The following ELOVL6 variants were observed in gnomAD, a reference collection of about 807,000 sequenced individuals.
The protein encoded by ELOVL6 is ELOVL fatty acid elongase 6.
In ELOVL6, 8 loss-of-function variants were observed where a neutral mutation model predicts 31.7. The observed-to-expected ratio is 0.25, with a 90% CI of 0.15 to 0.45. The LOEUF is 0.45. Among genes scored for constraint, ELOVL6 ranks in the 20% least tolerant of loss-of-function variants. The pLI, the probability that ELOVL6 is intolerant of heterozygous loss-of-function variation, is 1.00. For missense variants in ELOVL6, 126 were observed against 326.4 expected, an observed-to-expected ratio of 0.39 and a Z score of 4.73; for synonymous variants, 101 against 117.7, an observed-to-expected ratio of 0.86 and a Z score of 0.92.
intron 1 of ELOVL6, among the ~76,000 whole-genome samples, chr4:110,192,921 A>T (rs1759665620): frequency 6.6e-6 from 1 of 152,234 alleles, no homozygotes; most frequent in South Asian, 2.1e-4. Flanking sequence ...ACATGAGTAC[A>T]ATATAGACAC....
intron 1 of ELOVL6, among the ~76,000 whole-genome samples, chr4:110,133,466 GCTTA>G (rs1229656680): frequency 1.2e-4 from 18 of 152,162 alleles, no homozygotes; most frequent in Non-Finnish European, 2.1e-4. Context: ...GTGAACTATG[GCTTA>G]CTTAACACTG....
rs1454465084 is a variant in ELOVL6, at chr4:110,047,994, G to A, written c.*3344C>T. ...TCAATTCTACAAAACCCACTCATAT[G>A]AAGTTTCTAACTCAGTCTAGACATA... On this transcript the variant is annotated 3_prime_UTR_variant, in exon 4 of 4. Transcript: ENST00000302274. 1.3e-5 allele frequency: 2 copies of A among 150,588 alleles called. No homozygotes were observed. The highest frequency in any genetic ancestry group is 4.9e-5 in the African/African-American group (2 of 40,916). 9.3% of individuals were successfully genotyped at this position (150,588 alleles called of 1,614,324 possible).
chr4:110,149,002 A>G (rs1473101078), intron 1 of ELOVL6, among the ~76,000 whole-genome samples: 1 of 152,222 alleles, frequency 6.6e-6, no homozygotes, highest in African/African-American at 2.4e-5. Context: ...CTGGGATTAC[A>G]GGCACAAGCC....
intron 1 of ELOVL6, among the ~76,000 whole-genome samples, chr4:110,186,018 T>C (rs1759427790): frequency 6.6e-6 from 1 of 151,960 alleles, no homozygotes. Context: ...GGTGAAACCC[T>C]GTATCTACTA....
chr4:110,141,874 T>TATATATAC (rs926529050), intron 1 of ELOVL6, among the ~76,000 whole-genome samples: 3 of 143,214 alleles, frequency 2.1e-5, no homozygotes, highest in African/African-American at 5.2e-5. Flanking sequence ...TATATATATA[T>TATATATAC]ACTAATACAA....
intron 1 of ELOVL6, 176 bp downstream of exon 1, chr4:110,198,071 T>G: frequency 2.0e-6 from 1 of 512,154 alleles, no homozygotes; most frequent in East Asian, 3.6e-5. Flanking sequence ...TCGCGCTTCA[T>G]GTACCCCCCC....
At chr4:110,183,122 A>AAAAC (rs776758979) in intron 1 of ELOVL6, among the ~76,000 whole-genome samples, 56 of 152,276 alleles carry the variant, frequency 3.7e-4, no homozygotes, top group African/African-American at 1.3e-3. Context: ...CTTTATTTAA[A>AAAAC]AAACAAACAA....
At chr4:110,063,949 A>C (rs929152196) in intron 2 of ELOVL6, among the ~76,000 whole-genome samples, 3 of 151,476 alleles carry the variant, frequency 2.0e-5, no homozygotes, top group Non-Finnish European at 4.4e-5. Flanking sequence ...ACGGTGGTAC[A>C]CGCCTGTAAT....
chr4:110,058,118 T>C (rs1210934783), intron 3 of ELOVL6, among the ~76,000 whole-genome samples: 1 of 152,206 alleles, frequency 6.6e-6, no homozygotes, highest in Non-Finnish European at 1.5e-5. Context: ...TGGGGCCTGG[T>C]TCATAAAATC....
intron 2 of ELOVL6, among the ~76,000 whole-genome samples, chr4:110,068,398 CT>C (rs1755367561): frequency 6.6e-6 from 1 of 152,164 alleles, no homozygotes; most frequent in Non-Finnish European, 1.5e-5. Context: ...CACAGAGAAG[CT>C]ATCTTCGTGG....
chr4:110,129,110 C>CT (rs1315863181), intron 1 of ELOVL6, among the ~76,000 whole-genome samples: 3 of 152,060 alleles, frequency 2.0e-5, no homozygotes, highest in African/African-American at 4.8e-5. Flanking sequence ...ATGTATAAAT[C>CT]TTTTTTTCAA....
chr4:110,079,990 G>T (rs1432628016), intron 2 of ELOVL6, among the ~76,000 whole-genome samples: 1 of 152,154 alleles, frequency 6.6e-6, no homozygotes, highest in Non-Finnish European at 1.5e-5. Context: ...AGAAAATCTA[G>T]AAGAAATGGA....
At chr4:110,090,813 C>T (rs1756404846) in intron 2 of ELOVL6, among the ~76,000 whole-genome samples, 1 of 151,902 alleles carries the variant, frequency 6.6e-6, no homozygotes, top group Admixed American at 6.6e-5. Context: ...CCATGTTGGC[C>T]AGGATGGTCT....
intron 2 of ELOVL6, among the ~76,000 whole-genome samples, chr4:110,090,855 G>A (rs1292114284): frequency 2.6e-5 from 4 of 151,862 alleles, no homozygotes; most frequent in Non-Finnish European, 4.4e-5. Flanking sequence ...CACCCGCCTC[G>A]GCCTCCCAAA....
At chr4:110,161,049 T>C (rs1299891629) in intron 1 of ELOVL6, among the ~76,000 whole-genome samples, 1 of 152,200 alleles carries the variant, frequency 6.6e-6, no homozygotes, top group Non-Finnish European at 1.5e-5. Flanking sequence ...CTTGTAATGG[T>C]GGTAGAGAGG....
intron 1 of ELOVL6, among the ~76,000 whole-genome samples, chr4:110,138,763 G>A (rs1417259510): frequency 5.9e-5 from 9 of 151,996 alleles, no homozygotes; most frequent in Admixed American, 3.9e-4. Flanking sequence ...TGAGTCCCAC[G>A]CAGCTCTTAA....
intron 2 of ELOVL6, among the ~76,000 whole-genome samples, chr4:110,092,890 A>G (rs1276017922): frequency 1.3e-5 from 2 of 152,208 alleles, no homozygotes; most frequent in Non-Finnish European, 2.9e-5. Flanking sequence ...AAGTTTATAC[A>G]AACTGTAATC....
chr4:110,120,198 T>C (rs973543250), intron 1 of ELOVL6, among the ~76,000 whole-genome samples: 2 of 152,190 alleles, frequency 1.3e-5, no homozygotes, highest in African/African-American at 4.8e-5. Context: ...TAGCAATCGC[T>C]CTGGATAGTA....
intron 1 of ELOVL6, among the ~76,000 whole-genome samples, chr4:110,191,960 T>C (rs1227119975): frequency 1.3e-5 from 2 of 151,950 alleles, no homozygotes; most frequent in Admixed American, 1.3e-4. Flanking sequence ...GAGGCCGAGG[T>C]AGGTGGATCA....
Sources: allele counts gnomAD v4.1 joint callset (sites outside exome capture counted in the v4.1 genomes callset), GRCh38; gene constraint gnomAD v4.1.1; transcripts MANE v1.5; gene names NCBI Gene and HGNC (gene_info 2026-07-23, HGNC 2026-07-21).